RNF150: variants seen among roughly 807,000 people sequenced by gnomAD.
RNF150 encodes the protein ring finger protein 150.
Under a neutral mutation model 39.3 loss-of-function variants are expected in RNF150, and 24 were observed. The ratio of observed to expected loss-of-function variants is 0.61; its 90% CI spans 0.44 to 0.86. The LOEUF (loss-of-function observed/expected upper bound fraction) is 0.86, where lower values mean the gene tolerates loss of function less well. RNF150 is among the 40% of genes least tolerant of loss of function. The pLI is 0.00. For missense variants in RNF150, 502 were observed against 587.8 expected (o/e 0.85, Z 1.51); for synonymous variants, 255 against 227.3 (o/e 1.12, Z -1.10).
chr4:141,027,216 AGT>A (rs1184474733), intron 1 of RNF150, among the ~76,000 whole-genome samples: 19 of 152,214 alleles, frequency 1.2e-4, no homozygotes, highest in African/African-American at 4.6e-4. Context: ...GTCATGGAGA[AGT>A]GTCTCTGATT....
chr4:141,111,492 C>A (rs1345863240), intron 1 of RNF150, among the ~76,000 whole-genome samples: 2 of 151,910 alleles, frequency 1.3e-5, no homozygotes, highest in Admixed American at 1.3e-4. Flanking sequence ...ATTGCGAGGG[C>A]CTTCTTGGCT....
At chr4:140,993,595 C>T (rs951560840) in intron 1 of RNF150, among the ~76,000 whole-genome samples, 6 of 152,146 alleles carry the variant, frequency 3.9e-5, no homozygotes, top group South Asian at 2.1e-4. Context: ...TGAAGGCCCC[C>T]GGCATGGCCA....
chr4:140,947,168 G>C (rs893286956), intron 4 of RNF150, among the ~76,000 whole-genome samples: 4 of 149,886 alleles, frequency 2.7e-5, no homozygotes, highest in African/African-American at 7.4e-5. Flanking sequence ...CTTTCTGTTA[G>C]TTTAAAAAAA....
intron 5 of RNF150, among the ~76,000 whole-genome samples, chr4:140,923,298 A>C (rs1382330882): frequency 8.5e-5 from 13 of 152,218 alleles, no homozygotes; most frequent in African/African-American, 3.1e-4. Flanking sequence ...ACCCCATCAA[A>C]AAGTGGGCAA....
Position 140,999,964 on chromosome 4 carries a change from A to C in RNF150, c.485-32091T>G, listed in dbSNP as rs1243185552. 8.5e-5 allele frequency among the ~76,000 whole-genome samples: 3 copies of C among 35,462 alleles called. No homozygotes were observed. In the East Asian group the frequency reaches 2.5e-3, roughly 29 times the overall value. 23.3% of individuals were successfully genotyped at this position (35,462 alleles called of 152,430 possible). On this transcript the variant is annotated intron_variant, in intron 1 of 6. Transcript: ENST00000515673. ...AAAAAAGAAGAAGAAGAAGAAGAAG[A>C]AGAAGAAGAAGAAAAGAAGAAAAGA... is the stretch of plus-strand genomic sequence containing the variant.
At chr4:141,073,661 C>T (rs1474412594) in intron 1 of RNF150, among the ~76,000 whole-genome samples, 1 of 63,124 alleles carries the variant, frequency 1.6e-5, no homozygotes, top group Non-Finnish European at 5.8e-5. Flanking sequence ...CAATATCAAG[C>T]TCGGGGGGGG....
chr4:140,921,467 C>T (rs539080581), intron 5 of RNF150, among the ~76,000 whole-genome samples: 1 of 152,158 alleles, frequency 6.6e-6, no homozygotes, highest in Non-Finnish European at 1.5e-5. Flanking sequence ...GAAATTGAGG[C>T]AATAATTAAT....
At chr4:141,204,800 T>A (rs112996037) in intron 1 of RNF150, among the ~76,000 whole-genome samples, 4 of 152,314 alleles carry the variant, frequency 2.6e-5, no homozygotes, top group African/African-American at 9.6e-5. Flanking sequence ...TTCTCAGTCT[T>A]TGGTTGAATG....
chr4:141,113,692 C>T (rs1739462450), intron 1 of RNF150, among the ~76,000 whole-genome samples: 1 of 152,158 alleles, frequency 6.6e-6, no homozygotes, highest in Admixed American at 6.5e-5. Flanking sequence ...ACAGAATTCT[C>T]CACCCCAAAT....
At chr4:141,117,548 G>A (rs1481490728) in intron 1 of RNF150, among the ~76,000 whole-genome samples, 2 of 151,984 alleles carry the variant, frequency 1.3e-5, no homozygotes, top group Non-Finnish European at 2.9e-5. Context: ...ATATGGTATG[G>A]TCTGTTGTAC....
intron 2 of RNF150, among the ~76,000 whole-genome samples, chr4:140,963,384 T>C (rs543097242): frequency 2.2e-4 from 34 of 152,136 alleles, no homozygotes; most frequent in Non-Finnish European, 2.2e-4. Context: ...AGACTTTCTG[T>C]AGTGATAAAA....
At chr4:140,941,342 T>C (rs1275111128) in intron 4 of RNF150, among the ~76,000 whole-genome samples, 1 of 152,194 alleles carries the variant, frequency 6.6e-6, no homozygotes, top group African/African-American at 2.4e-5. Flanking sequence ...TTTGCTAAGA[T>C]TGCTTCTTAG....
At chr4:140,935,686 C>T (rs1731838479) in intron 4 of RNF150, among the ~76,000 whole-genome samples, 1 of 152,154 alleles carries the variant, frequency 6.6e-6, no homozygotes, top group Admixed American at 6.5e-5. Context: ...TTAGCAAACT[C>T]CAAACTTAGA....
intron 1 of RNF150, among the ~76,000 whole-genome samples, chr4:140,981,282 A>G (rs575711486): frequency 1.1e-4 from 16 of 152,286 alleles, no homozygotes; most frequent in African/African-American, 3.8e-4. Context: ...CATATACATA[A>G]TGAGACATCT....
intron 6 of RNF150, among the ~76,000 whole-genome samples, chr4:140,898,907 C>G (rs1446983211): frequency 6.6e-6 from 1 of 152,150 alleles, no homozygotes; most frequent in African/African-American, 2.4e-5. Context: ...CTGATTAAGG[C>G]ATAAGTCTTA....
At chr4:141,157,221 C>G (rs576892427) in intron 1 of RNF150, among the ~76,000 whole-genome samples, 1 of 152,110 alleles carries the variant, frequency 6.6e-6, no homozygotes, top group Non-Finnish European at 1.5e-5. Context: ...TATCTCCCCC[C>G]CCAAAAATGT....
intron 1 of RNF150, among the ~76,000 whole-genome samples, chr4:141,023,372 A>G (rs1037290910): frequency 4.6e-5 from 7 of 151,858 alleles, no homozygotes; most frequent in Admixed American, 2.0e-4. Context: ...TGGCTTCCCA[A>G]GTAGCTGAGA....
chr4:141,123,534 T>C (rs2111091528), intron 1 of RNF150, among the ~76,000 whole-genome samples: 1 of 152,168 alleles, frequency 6.6e-6, no homozygotes, highest in South Asian at 2.1e-4. Context: ...AGGCACCAAA[T>C]GTCTACAAAT....
intron 1 of RNF150, among the ~76,000 whole-genome samples, chr4:141,073,276 T>C (rs577001911): frequency 3.9e-5 from 6 of 152,228 alleles, no homozygotes; most frequent in Admixed American, 2.0e-4. Flanking sequence ...ATCCCAGAGA[T>C]AGGCACACAA....
Sources: allele counts gnomAD v4.1 joint callset (sites outside exome capture counted in the v4.1 genomes callset), GRCh38; gene constraint gnomAD v4.1.1; transcripts MANE v1.5; gene names NCBI Gene and HGNC (gene_info 2026-07-23, HGNC 2026-07-21).